The following SVEP1 variants were observed in gnomAD, a reference collection of about 807,000 sequenced individuals.
The protein encoded by SVEP1 is sushi, von Willebrand factor type A, EGF and pentraxin domain-containing protein 1.
SVEP1 carries 164 observed loss-of-function variants against 367.3 expected under a neutral mutation model. The ratio of observed to expected loss-of-function variants is 0.45; its 90% CI spans 0.39 to 0.51. The LOEUF is 0.51. Among genes scored for constraint, SVEP1 ranks in the 20% least tolerant of loss-of-function variants. The pLI, the probability that SVEP1 is intolerant of heterozygous loss-of-function variation, is 0.00. For missense variants in SVEP1, 4,117 were observed against 4,425.3 expected, an observed-to-expected ratio of 0.93 and a Z score of 1.98; for synonymous variants, 1,666 against 1,611.6, an observed-to-expected ratio of 1.03 and a Z score of -0.81.
At chr9:110,552,615 C>A (rs961459657) in intron 1 of SVEP1, among the ~76,000 whole-genome samples, 16 of 151,976 alleles carry the variant, frequency 1.1e-4, no homozygotes, top group Admixed American at 4.6e-4. Flanking sequence ...ACAGAGTGCA[C>A]AACTTAGATC....
intron 47 of SVEP1, among the ~76,000 whole-genome samples, chr9:110,369,346 T>C (rs1204963549): frequency 6.6e-6 from 1 of 152,192 alleles, no homozygotes; most frequent in Non-Finnish European, 1.5e-5. Flanking sequence ...TTTTACATAA[T>C]CTTTTTGTAG....
At chr9:110,458,166 A>G (rs775174213) in intron 20 of SVEP1, 38 of 568,636 alleles carry the variant, frequency 6.7e-5, no homozygotes, top group African/African-American at 5.9e-4. Flanking sequence ...CTCTTACTCA[A>G]ATGATGGGTT....
Position 110,445,951 on chromosome 9 carries a change from G to A in SVEP1, c.4349C>T (p.Ala1450Val). Residue 1450 changes from alanine (A) to valine (V), a missense_variant, in exon 26 of 48, where the codon GCT becomes GTT. Ala to Val is a moderately conservative substitution (Grantham distance 64). Coordinates refer to ENST00000374469, the MANE Select transcript of SVEP1 (RefSeq NM_153366.4). Reference protein sequence around the residue: ...MLDGMLPSLHALTCTFWMKSS... With the variant: ...MLDGMLPSLHVLTCTFWMKSS... ...TTTCATCCAGAAGGTACAGGTTAGA[G>A]CATGGAGAGATGGGAGCATGCCATC... 1 of 1,613,920 alleles carries A rather than the reference G, an allele frequency of 6.2e-7. No individual in the cohort carries two copies. The highest frequency in any genetic ancestry group is 2.2e-5 in the East Asian group (1 of 44,884).
intron 1 of SVEP1, among the ~76,000 whole-genome samples, chr9:110,575,514 G>T (rs940434719): frequency 6.6e-6 from 1 of 152,084 alleles, no homozygotes; most frequent in East Asian, 1.9e-4. Context: ...AACTACAGCT[G>T]CAAAACTATA....
At chr9:110,375,490 A>AAAAAAAAT (rs1827338377) in intron 45 of SVEP1, 27 bp from the exon 46 acceptor site, 5 of 1,338,784 alleles carry the variant, frequency 3.7e-6, no homozygotes, top group Non-Finnish European at 3.0e-6. Context: ...AAAAAAAAAA[A>AAAAAAAAT]GGAGGCAGGG....
chr9:110,399,509 A>G (rs1320705110), intron 40 of SVEP1, among the ~76,000 whole-genome samples: 1 of 152,084 alleles, frequency 6.6e-6, no homozygotes, highest in Non-Finnish European at 1.5e-5. Context: ...TTAAAAAGAA[A>G]AAAGAAAACT....
intron 8 of SVEP1, among the ~76,000 whole-genome samples, chr9:110,492,056 A>G (rs1169160111): frequency 2.6e-5 from 4 of 152,114 alleles, no homozygotes; most frequent in Non-Finnish European, 5.9e-5. Context: ...CTTAGTCATT[A>G]AATGCTAGTC....
intron 44 of SVEP1, 131 bp downstream of exon 44, chr9:110,379,216 C>T (rs966089716): frequency 2.0e-6 from 2 of 997,906 alleles, no homozygotes; most frequent in Non-Finnish European, 1.4e-6. Context: ...GAAAATTACA[C>T]AGCTGCTAAA....
intron 30 of SVEP1, among the ~76,000 whole-genome samples, chr9:110,433,165 T>C (rs2118561165): frequency 6.6e-6 from 1 of 152,286 alleles, no homozygotes; most frequent in Middle Eastern, 3.4e-3. Context: ...GCCAGCACCA[T>C]GCTTCCTGTA....
At chr9:110,436,092 T>C (rs1828427472) in intron 28 of SVEP1, among the ~76,000 whole-genome samples, 1 of 152,064 alleles carries the variant, frequency 6.6e-6, no homozygotes, top group South Asian at 2.1e-4. Context: ...CTCCTGCTTC[T>C]TTGGTGATAT....
rs3737156 is a variant in SVEP1 at position 110,499,153 on chromosome 9, C to A, written c.1569G>T (p.Thr523=). The A allele has an allele frequency of 2.5e-6, 4 of 1,613,672 alleles. No individual in the cohort carries two copies. The highest frequency in any genetic ancestry group is 2.2e-5 in the South Asian group (2 of 91,050). The change falls in exon 7 of 48, where the codon ACG becomes ACT. Residue 523 remains threonine (T), a synonymous_variant. Coordinates refer to ENST00000374469, the MANE Select transcript of SVEP1 (RefSeq NM_153366.4). ...NCGKQPAKFG[T]ICYVSCRQGF... The stretch of plus-strand genomic sequence containing the variant: ...CTTGGCGGCAACTTACATAGCAGAT[C>A]GTCCCAAATTTGGCTGGCTGCTTGC...
At chr9:110,412,496 T>C (rs1215891552) in intron 36 of SVEP1, among the ~76,000 whole-genome samples, 2 of 152,108 alleles carry the variant, frequency 1.3e-5, no homozygotes, top group African/African-American at 4.8e-5. Context: ...AAGGACTTCA[T>C]GTCTAAAACA....
At chr9:110,519,073 C>T (rs1829843728) in intron 3 of SVEP1, among the ~76,000 whole-genome samples, 1 of 152,216 alleles carries the variant, frequency 6.6e-6, no homozygotes, top group African/African-American at 2.4e-5. Flanking sequence ...TCCCCTTCCC[C>T]TGACTCCCAC....
chr9:110,532,537 C>T (rs1312001146), intron 3 of SVEP1, among the ~76,000 whole-genome samples: 1 of 152,162 alleles, frequency 6.6e-6, no homozygotes, highest in African/African-American at 2.4e-5. Context: ...CTTGGGGTAT[C>T]TGGAGCATAA....
intron 1 of SVEP1, among the ~76,000 whole-genome samples, chr9:110,552,095 G>A (rs968905982): frequency 3.5e-5 from 5 of 144,032 alleles, no homozygotes; most frequent in South Asian, 2.3e-4. Context: ...GCAGTGGTGC[G>A]ATCTCGGCTC....
rs1179028403 is a variant in SVEP1 at position 110,406,576 on chromosome 9, G to A, written c.9024C>T (p.Ser3008=). The A allele has an allele frequency of 1.9e-6, 3 of 1,613,764 alleles. No homozygotes were observed. The East Asian group carries it at 6.7e-5, about 36-fold the overall frequency. The change falls in exon 38 of 48, where the codon TCC becomes TCT. Residue 3008 remains serine, a synonymous_variant. Coordinates refer to ENST00000374469, the MANE Select transcript of SVEP1 (RefSeq NM_153366.4). Reference sequence around the variant, plus strand: ...CAGTTCCATATTCAATTACTGGTGTGGAACATCTGCAAGGCAGGCAGGAAG... The same window carrying A: ...CAGTTCCATATTCAATTACTGGTGTAGAACATCTGCAAGGCAGGCAGGAAG... ...SSPSCLPCRC[S]TPVIEYGTVN... is the part of the protein sequence containing the mutation.
At chr9:110,392,439 C>T (rs1398317726) in intron 40 of SVEP1, among the ~76,000 whole-genome samples, 2 of 151,938 alleles carry the variant, frequency 1.3e-5, no homozygotes, top group African/African-American at 4.8e-5. Context: ...GGTGGGAGAG[C>T]ACAAAATGTT....
intron 13 of SVEP1, among the ~76,000 whole-genome samples, chr9:110,477,039 T>G (rs959483031): frequency 2.6e-5 from 4 of 152,190 alleles, no homozygotes; most frequent in Non-Finnish European, 5.9e-5. Context: ...TTATAGTTCT[T>G]GGTGATTTCT....
rs1256484772 is a variant in SVEP1 at position 110,549,962 on chromosome 9, T to C, written c.674A>G (p.Gln225Arg). ...GTCATTCAGCTCTCGAATGTTCCCT[T>C]GCCATATGCCAAAAGTGAAGATCTC... The part of the protein sequence containing the change: ...GVEIFTFGIW[Q>R]GNIRELNDMA... Residue 225 changes from glutamine to arginine, a missense_variant, in exon 2 of 48, where the codon CAA (glutamine) becomes CGA (arginine). This residue lies in a region of SVEP1 where 2,174 missense variants were observed against 2,494.3 expected (regional missense o/e 0.87). Coordinates refer to ENST00000374469, the MANE Select transcript of SVEP1 (RefSeq NM_153366.4). 3.1e-6 allele frequency: 5 copies of C among 1,613,808 alleles called. No homozygotes were observed. The highest frequency in any genetic ancestry group is 3.3e-5 in the Admixed American group (2 of 59,992).
Sources: gnomAD v4.1 joint callset for allele counts (sites outside exome capture counted in the v4.1 genomes callset) on GRCh38, gnomAD v4.1.1 for gene constraint, gnomAD v4.1.1 regional missense constraint, MANE v1.5 for transcripts, NCBI Gene and HGNC (gene_info 2026-07-23, HGNC 2026-07-21) for gene names.